GALNT13: variants seen among roughly 807,000 people sequenced by gnomAD.
GALNT13 encodes the protein UDP-GalNAc:polypeptide N-acetylgalactosaminyltransferase 13.
GALNT13 carries 28 observed loss-of-function variants against 64.2 expected under a neutral mutation model. The ratio of observed to expected loss-of-function variants is 0.44; its 90% CI spans 0.32 to 0.60. GALNT13 has a LOEUF of 0.60. Ranked by LOEUF, GALNT13 falls within the 20% of genes least tolerant of loss-of-function variation. GALNT13 has a pLI of 0.05. For synonymous variants in GALNT13, 214 were observed against 224.6 expected (o/e 0.95, Z 0.42); for missense variants, 577 against 669.8 (o/e 0.86, Z 1.53).
At chr2:154,284,982 A>G (rs1159047319) in intron 8 of GALNT13, among the ~76,000 whole-genome samples, 2 of 152,110 alleles carry the variant, frequency 1.3e-5, no homozygotes, top group Non-Finnish European at 2.9e-5. Flanking sequence ...ATGATTAGTG[A>G]TGTTTCACAT....
the GALNT13 span, among the ~76,000 whole-genome samples, chr2:153,089,574 C>T: frequency 6.6e-6 from 1 of 152,078 alleles, no homozygotes; most frequent in Non-Finnish European, 1.5e-5. Context: ...AAATTTTCCT[C>T]ACTTTCATAC....
At chr2:153,640,058 T>C in the GALNT13 span, among the ~76,000 whole-genome samples, 352 of 152,210 alleles carry the variant, frequency 2.3e-3, 2 homozygotes, top group Admixed American at 0.019. Context: ...GCCAATTCCA[T>C]TGATTTCTGG....
chr2:153,933,555 T>C (rs995503969), intron 2 of GALNT13, among the ~76,000 whole-genome samples: 5 of 152,148 alleles, frequency 3.3e-5, no homozygotes, highest in Non-Finnish European at 7.4e-5. Flanking sequence ...GTGTTTATCC[T>C]GTTAAGTGGG....
the GALNT13 span, among the ~76,000 whole-genome samples, chr2:153,284,025 T>C: frequency 9.9e-5 from 15 of 152,174 alleles, no homozygotes; most frequent in Admixed American, 8.5e-4. Context: ...CAGATCTGCC[T>C]GGGCGTGGAG....
the GALNT13 span, among the ~76,000 whole-genome samples, chr2:153,504,454 C>A: frequency 6.6e-6 from 1 of 152,160 alleles, no homozygotes; most frequent in South Asian, 2.1e-4. Context: ...GCATTTTTGT[C>A]TTGTTCCAGT....
At chr2:153,944,179 G>A (rs1423860780) in intron 2 of GALNT13, among the ~76,000 whole-genome samples, 1 of 152,132 alleles carries the variant, frequency 6.6e-6, no homozygotes, top group East Asian at 1.9e-4. Context: ...CAAGGGCCTG[G>A]CAGAGTAGTG....
chr2:154,329,430 G>A (rs1384531167), intron 9 of GALNT13, among the ~76,000 whole-genome samples: 1 of 152,128 alleles, frequency 6.6e-6, no homozygotes, highest in African/African-American at 2.4e-5. Flanking sequence ...TGATGTTGTT[G>A]ATTAAAGTTA....
the GALNT13 span, among the ~76,000 whole-genome samples, chr2:153,664,054 T>C: frequency 6.6e-6 from 1 of 152,146 alleles, no homozygotes; most frequent in Non-Finnish European, 1.5e-5. Flanking sequence ...AGGTTCCATG[T>C]CCCGCTGGGC....
At chr2:153,344,758 C>T in the GALNT13 span, among the ~76,000 whole-genome samples, 1 of 152,118 alleles carries the variant, frequency 6.6e-6, no homozygotes, top group Non-Finnish European at 1.5e-5. Context: ...TCTTACCATA[C>T]ACAAAACATG....
chr2:153,679,226 C>G, the GALNT13 span, among the ~76,000 whole-genome samples: 1 of 151,986 alleles, frequency 6.6e-6, no homozygotes, highest in East Asian at 1.9e-4. Context: ...CAGCATTACA[C>G]TAGACTGCCT....
At chr2:154,365,763 T>G (rs760779313) in intron 9 of GALNT13, among the ~76,000 whole-genome samples, 8 of 152,190 alleles carry the variant, frequency 5.3e-5, no homozygotes, top group Non-Finnish European at 1.0e-4. Context: ...ATTAGATTGA[T>G]TAACTGACTA....
chr2:153,561,578 A>C, the GALNT13 span, among the ~76,000 whole-genome samples: 1 of 151,968 alleles, frequency 6.6e-6, no homozygotes. Context: ...GGTGCTCAAA[A>C]ATTTCAGATT....
the GALNT13 span, among the ~76,000 whole-genome samples, chr2:153,406,370 C>T: frequency 1.4e-4 from 22 of 152,186 alleles, no homozygotes; most frequent in African/African-American, 5.3e-4. Context: ...TAACATCACT[C>T]TTAAGAGAGA....
intron 3 of GALNT13, among the ~76,000 whole-genome samples, chr2:154,020,168 A>C (rs1697343222): frequency 6.6e-6 from 1 of 152,182 alleles, no homozygotes; most frequent in African/African-American, 2.4e-5. Context: ...ATATGTGTGC[A>C]TGTGTCTTTA....
intron 2 of GALNT13, among the ~76,000 whole-genome samples, chr2:153,923,000 A>C: frequency 6.6e-6 from 1 of 151,950 alleles, no homozygotes; most frequent in East Asian, 1.9e-4. Flanking sequence ...CCCGGGTTCA[A>C]GCAATTCTCC....
At chr2:153,215,569 C>A in the GALNT13 span, among the ~76,000 whole-genome samples, 1 of 152,054 alleles carries the variant, frequency 6.6e-6, no homozygotes, top group Non-Finnish European at 1.5e-5. Flanking sequence ...CTGAGAGGGC[C>A]AAGTGGCCTT....
chr2:153,160,655 A>G, the GALNT13 span, among the ~76,000 whole-genome samples: 15 of 152,214 alleles, frequency 9.9e-5, no homozygotes, highest in South Asian at 8.3e-4. Context: ...ATAGTGGGAA[A>G]GCAGCCATTT....
chr2:153,699,993 A>G, the GALNT13 span, among the ~76,000 whole-genome samples: 1 of 152,204 alleles, frequency 6.6e-6, no homozygotes, highest in Non-Finnish European at 1.5e-5. Context: ...TCATTTTATG[A>G]GGCCAGCATC....
At chr2:153,270,785 G>A in the GALNT13 span, among the ~76,000 whole-genome samples, 15 of 152,106 alleles carry the variant, frequency 9.9e-5, no homozygotes, top group Non-Finnish European at 1.8e-4. Context: ...TTGGGAGGTC[G>A]AGGCTGCAAT....
Sources: allele counts gnomAD v4.1 joint callset (sites outside exome capture counted in the v4.1 genomes callset), GRCh38; gene constraint gnomAD v4.1.1; transcripts MANE v1.5; gene names NCBI Gene and HGNC (gene_info 2026-07-23, HGNC 2026-07-21).